IGF2R: variants seen among roughly 807,000 people sequenced by gnomAD.
IGF2R encodes the protein cation-independent mannose-6-phosphate receptor.
IGF2R carries 91 observed loss-of-function variants against 270.6 expected under a neutral mutation model. That is an observed-to-expected ratio of 0.34 (90% CI 0.28 to 0.40). The LOEUF is 0.40. Among genes scored for constraint, IGF2R ranks in the 10% least tolerant of loss-of-function variants. IGF2R has a pLI of 1.00. For synonymous variants in IGF2R, 1,316 were observed against 1,258.9 expected (o/e 1.05, Z -0.96); for missense variants, 2,805 against 3,188.3 (o/e 0.88, Z 2.90).
At chr6:160,051,161 A>T (rs569067970) in intron 19 of IGF2R, among the ~76,000 whole-genome samples, 1 of 152,330 alleles carries the variant, frequency 6.6e-6, no homozygotes, top group African/African-American at 2.4e-5. Flanking sequence ...GCAACACAGA[A>T]GGTTATGTAC....
At position 160,059,068 on chromosome 6, in the gene IGF2R, C is replaced by A. The variant is rs760503948; in HGVS notation, c.3061C>A (p.Leu1021Met). Reference protein sequence around the residue: ...LQLSTEGFITLTYKGPLSAKG... With the variant: ...LQLSTEGFITMTYKGPLSAKG... ...GCTGTCCACAGAGGGCTTCATCACT[C>A]TGACCTACAAAGGGCCTCTCTCTGC... Residue 1021 changes from leucine (L) to methionine (M), a missense_variant, in exon 22 of 48, where the codon CTG (leucine) becomes ATG (methionine). Transcript: ENST00000356956. 19 of 1,614,170 alleles carry A rather than the reference C, an allele frequency of 1.2e-5. No individual in the cohort carries two copies. Among genetic ancestry groups the A allele is most frequent in the Admixed American group, 1.7e-5 (1 of 60,024 alleles).
intron 45 of IGF2R, among the ~76,000 whole-genome samples, chr6:160,100,638 G>A (rs777454913): frequency 1.3e-5 from 2 of 151,422 alleles, no homozygotes; most frequent in Admixed American, 6.6e-5. Flanking sequence ...CCTGCGTTGG[G>A]AGAACACTGT....
Position 160,060,611 on chromosome 6 carries a change from A to G in IGF2R, c.3156A>G (p.Lys1052=). The change falls in exon 23 of 48, where the codon AAA becomes AAG. Residue 1052 remains lysine (K), a synonymous_variant. Transcript: ENST00000356956. Reference sequence around the variant, plus strand: ...ATGATGTTTACTCAGGGCCCCTCAAATTCCTGCATCAAGATATCGACTCTG... The same window carrying G: ...ATGATGTTTACTCAGGGCCCCTCAAGTTCCTGCATCAAGATATCGACTCTG... ...CNDDVYSGPL[K]FLHQDIDSGQ... 1 of 1,614,230 alleles carries G rather than the reference A, an allele frequency of 6.2e-7. No individual in the cohort carries two copies. Among genetic ancestry groups the G allele is most frequent in the Non-Finnish European group, 8.5e-7 (1 of 1,180,032 alleles).
intron 25 of IGF2R, 76 bp downstream of exon 25, chr6:160,062,004 T>G: frequency 7.1e-7 from 1 of 1,401,410 alleles, no homozygotes; most frequent in Non-Finnish European, 9.9e-7. Flanking sequence ...CTCTGAATCT[T>G]CTATCTTGTT....
At chr6:160,061,967 T>G in intron 25 of IGF2R, 39 bp downstream of exon 25, 23 of 1,553,266 alleles carry the variant, frequency 1.5e-5, no homozygotes, top group Non-Finnish European at 1.9e-5. Flanking sequence ...TGTCCCCGGG[T>G]GACTCCATTT....
chr6:160,025,051 G>A (rs8191747), intron 5 of IGF2R, among the ~76,000 whole-genome samples: 1 of 152,046 alleles, frequency 6.6e-6, no homozygotes, highest in Non-Finnish European at 1.5e-5. Context: ...TACGGGCTGG[G>A]TGAAAAAGAA....
In IGF2R at chr6:160,040,568, G is replaced by C; in HGVS notation, c.1324G>C (p.Gly442Arg). Residue 442 changes from glycine (G) to arginine (R), a missense_variant, in exon 11 of 48, where the codon GGG (glycine) becomes CGG (arginine). Physicochemically the swap from Gly to Arg is moderately radical, Grantham distance 125. This residue lies in a region of IGF2R where 954 missense variants were observed against 981.1 expected (regional missense o/e 0.97). Coordinates refer to ENST00000356956, the MANE Select transcript of IGF2R (RefSeq NM_000876.4). The part of the protein sequence containing the change: ...FECNKTAGND[G>R]KGTPVFTGEV... ...CCTCTTGAATTGTGCAGGTAACGAT[G>C]GGAAAGGAACTCCTGTATTCACAGG... The C allele has an allele frequency of 1.2e-6, 2 of 1,614,004 alleles. No individual in the cohort carries two copies. The highest frequency in any genetic ancestry group is 1.7e-6 in the Non-Finnish European group (2 of 1,179,888).
intron 2 of IGF2R, among the ~76,000 whole-genome samples, chr6:159,992,872 C>T (rs1784000457): frequency 6.6e-6 from 1 of 152,164 alleles, no homozygotes; most frequent in Admixed American, 6.5e-5. Flanking sequence ...TTTACATTCC[C>T]ACCAGTGTAT....
rs1779070746 is a variant in IGF2R at position 160,085,053 on chromosome 6, G to A, written c.6127G>A (p.Ala2043Thr). Reference sequence around the variant, plus strand: ...AGGGCCCCTGGGCTGCTCTGAAAGGGCCAGCATTTGCAGAAGGACCACAAC... The same window carrying A: ...AGGGCCCCTGGGCTGCTCTGAAAGGACCAGCATTTGCAGAAGGACCACAAC... ...YKGPLGCSERASICRRTTTGD... is the reference protein window; with the variant it reads ...YKGPLGCSERTSICRRTTTGD... Residue 2043 changes from alanine (A) to threonine (T), a missense_variant, in exon 41 of 48, where the codon GCC becomes ACC. Ala to Thr is a moderately conservative substitution (Grantham distance 58, BLOSUM62 0). Coordinates refer to ENST00000356956, the MANE Select transcript of IGF2R (RefSeq NM_000876.4). The A allele has an allele frequency of 6.2e-7, 1 of 1,614,056 alleles. No homozygotes were observed. Among genetic ancestry groups the A allele is most frequent in the African/African-American group, 1.3e-5 (1 of 75,022 alleles).
chr6:159,969,413 A>G lies in IGF2R; in HGVS notation c.149+18A>G. The G allele has an allele frequency of 2.5e-6, 3 of 1,211,268 alleles. No individual in the cohort carries two copies. The highest frequency in any genetic ancestry group is 7.5e-5 in the South Asian group (2 of 26,568). 75.0% of individuals were successfully genotyped at this position (1,211,268 alleles called of 1,614,324 possible). ...CTGTGCAGGTGGGTGGCCCGCCCGG[A>G]CGCAGGCTCCGCTCGCGGTGCCCGG... On this transcript the variant is annotated intron_variant, in intron 1 of 47. Transcript: ENST00000356956.
intron 47 of IGF2R, among the ~76,000 whole-genome samples, chr6:160,104,097 C>A (rs1243379289): frequency 3.3e-5 from 5 of 151,548 alleles, no homozygotes; most frequent in Admixed American, 2.6e-4. Flanking sequence ...AAACAAAACA[C>A]ACACACACAC....
At chr6:160,013,876 T>G (rs1189412770) in intron 4 of IGF2R, among the ~76,000 whole-genome samples, 2 of 152,218 alleles carry the variant, frequency 1.3e-5, no homozygotes, top group African/African-American at 4.8e-5. Context: ...TGATTACACC[T>G]TACAGGCTTG....
intron 1 of IGF2R, among the ~76,000 whole-genome samples, chr6:159,982,352 TTTC>T (rs1399507240): frequency 1.3e-5 from 2 of 152,196 alleles, no homozygotes; most frequent in Non-Finnish European, 2.9e-5. Context: ...AGCCAGGTGA[TTTC>T]TTGAATACTC....
intron 41 of IGF2R, among the ~76,000 whole-genome samples, chr6:160,086,269 G>A (rs2114727150): frequency 6.6e-6 from 1 of 152,284 alleles, no homozygotes; most frequent in South Asian, 2.1e-4. Flanking sequence ...TCCTGGGACT[G>A]GCATTTGGCA....
intron 2 of IGF2R, among the ~76,000 whole-genome samples, chr6:159,995,438 T>A (rs2115186965): frequency 6.6e-6 from 1 of 152,238 alleles, no homozygotes; most frequent in South Asian, 2.1e-4. Flanking sequence ...TGTTCAGAGT[T>A]AATATTGATA....
chr6:160,074,103 G>A (rs1665891728), intron 35 of IGF2R, 128 bp downstream of exon 35: 1 of 670,226 alleles, frequency 1.5e-6, no homozygotes, highest in Non-Finnish European at 2.6e-6. Flanking sequence ...AAGTGGGACT[G>A]TGTATGTTCT....
rs756879925 is a variant in IGF2R, at chr6:160,060,628, T to C, written c.3173T>C (p.Ile1058Thr). 5.6e-6 allele frequency: 9 copies of C among 1,614,120 alleles called. No homozygotes were observed. The South Asian group carries it at 6.6e-5, about 12-fold the overall frequency. The change falls in exon 23 of 48, where the codon ATC (isoleucine) becomes ACC (threonine). Residue 1058 changes from isoleucine (I) to threonine (T), a missense_variant. By Grantham distance (89) the Ile-to-Thr change is moderately conservative. Coordinates refer to ENST00000356956, the MANE Select transcript of IGF2R (RefSeq NM_000876.4). ...SGPLKFLHQD[I>T]DSGQGIRNTY... ...CCCCTCAAATTCCTGCATCAAGATA[T>C]CGACTCTGGGCAAGGGATCCGAAAC...
rs574510934 is a variant in IGF2R, at chr6:160,083,262, C to T, written c.5834-688C>T. ...CATAGGCCAAATTTATGTTTCTCCC[C>T]ACCCAAACATCTCAGCGGAGTAAAG... On this transcript the variant is annotated intron_variant, in intron 39 of 47. Coordinates refer to ENST00000356956, the MANE Select transcript of IGF2R (RefSeq NM_000876.4). 1.3e-4 allele frequency among the ~76,000 whole-genome samples: 20 copies of T among 152,330 alleles called. No homozygotes were observed. In the East Asian group the frequency reaches 3.9e-3, roughly 29 times the overall value.
At chr6:160,041,409 G>A (rs762915676) in intron 11 of IGF2R, among the ~76,000 whole-genome samples, 1 of 151,936 alleles carries the variant, frequency 6.6e-6, no homozygotes, top group African/African-American at 2.4e-5. Context: ...GTATGTTCTC[G>A]CTCGTAAGTG....
Sources: allele counts gnomAD v4.1 joint callset (sites outside exome capture counted in the v4.1 genomes callset), GRCh38; gene constraint gnomAD v4.1.1; regional missense constraint gnomAD v4.1.1; transcripts MANE v1.5; gene names NCBI Gene and HGNC (gene_info 2026-07-23, HGNC 2026-07-21).